The following HSD11B1 variants were observed in gnomAD, a reference collection of about 807,000 sequenced individuals.
The protein encoded by HSD11B1 is 11-beta-hydroxysteroid dehydrogenase 1.
HSD11B1 carries 15 observed loss-of-function variants against 22.1 expected under a neutral mutation model. That is an observed-to-expected ratio of 0.68 (90% confidence interval 0.45 to 1.04). The LOEUF is 1.04. Ranked by LOEUF, HSD11B1 falls within the 50% of genes least tolerant of loss-of-function variation. The pLI is 0.00. For synonymous variants in HSD11B1, 122 were observed against 125.2 expected (o/e 0.97, Z 0.17); for missense variants, 281 against 357.6 (o/e 0.79, Z 1.73).
At position 209,721,846 on chromosome 1, in the gene HSD11B1, T is replaced by G. The variant is rs541254916; in HGVS notation, c.518-10590T>G. Among the ~76,000 whole-genome samples, 8 of 152,298 alleles carry G rather than the reference T, an allele frequency of 5.3e-5. No homozygotes were observed. In the South Asian group the frequency reaches 1.7e-3, roughly 32 times the overall value. On this transcript the variant is annotated intron_variant, in intron 4 of 5. Transcript: ENST00000367027. Reference sequence around the variant, plus strand: ...CAGCTTTGTTCTCAAGCAAGGGCACTTCCAGCCCTCCCTGTTGCCTTTAGA... The same window carrying G: ...CAGCTTTGTTCTCAAGCAAGGGCACGTCCAGCCCTCCCTGTTGCCTTTAGA...
intron 4 of HSD11B1, among the ~76,000 whole-genome samples, chr1:209,722,686 T>A (rs1438427454): frequency 6.6e-6 from 1 of 151,868 alleles, no homozygotes; most frequent in African/African-American, 2.4e-5. Context: ...CTGGGAAAAA[T>A]GGGGGGCAGG....
intron 4 of HSD11B1, among the ~76,000 whole-genome samples, chr1:209,717,976 G>T (rs2076940678): frequency 6.6e-6 from 1 of 150,812 alleles, no homozygotes; most frequent in African/African-American, 2.4e-5. Flanking sequence ...TATGCTAAAT[G>T]AAATAAGTCA....
intron 1 of HSD11B1, among the ~76,000 whole-genome samples, chr1:209,686,965 G>A (rs965937237): frequency 7.9e-5 from 12 of 152,080 alleles, no homozygotes; most frequent in Non-Finnish European, 1.0e-4. Flanking sequence ...AGCCCTAAAC[G>A]GGCCTTTTCA....
chr1:209,716,292 G>A (rs1198834695), intron 4 of HSD11B1, among the ~76,000 whole-genome samples: 4 of 147,236 alleles, frequency 2.7e-5, no homozygotes, highest in African/African-American at 5.0e-5. Flanking sequence ...TGCTAACAGC[G>A]ATCAATCTGA....
intron 4 of HSD11B1, among the ~76,000 whole-genome samples, chr1:209,731,477 T>C (rs1257789189): frequency 6.6e-6 from 1 of 152,222 alleles, no homozygotes; most frequent in African/African-American, 2.4e-5. Context: ...ATCTTAAAAT[T>C]ACCCAAATTC....
intron 4 of HSD11B1, among the ~76,000 whole-genome samples, chr1:209,718,208 A>C (rs2076942368): frequency 6.6e-6 from 1 of 152,196 alleles, no homozygotes; most frequent in South Asian, 2.1e-4. Context: ...GTAACTATGT[A>C]TTGTACATTT....
intron 1 of HSD11B1, among the ~76,000 whole-genome samples, chr1:209,694,089 T>C (rs2076776685): frequency 6.6e-6 from 1 of 152,176 alleles, no homozygotes; most frequent in African/African-American, 2.4e-5. Context: ...ATTTCCCTCT[T>C]AGCCTTCACT....
intron 4 of HSD11B1, among the ~76,000 whole-genome samples, chr1:209,712,086 C>T (rs1001133731): frequency 1.3e-5 from 2 of 152,082 alleles, no homozygotes; most frequent in Non-Finnish European, 2.9e-5. Context: ...CTTTACGTTT[C>T]CTTACCAAGG....
intron 1 of HSD11B1, among the ~76,000 whole-genome samples, chr1:209,686,903 A>T (rs755560261): frequency 1.3e-5 from 2 of 152,210 alleles, no homozygotes; most frequent in Non-Finnish European, 2.9e-5. Context: ...TGTGCTATTC[A>T]TCTATCCTTT....
At chr1:209,692,777 G>T (rs1558185324) in intron 1 of HSD11B1, among the ~76,000 whole-genome samples, 1 of 152,106 alleles carries the variant, frequency 6.6e-6, no homozygotes, top group Non-Finnish European at 1.5e-5. Flanking sequence ...AGATTCCTAG[G>T]TCCCACCCTT....
rs183854476 is a variant in HSD11B1 at position 209,697,955 on chromosome 1, C to T, written c.-48-6940C>T. Among the ~76,000 whole-genome samples the T allele has an allele frequency of 1.6e-4, 18 of 111,418 alleles. No individual in the cohort carries two copies. The Admixed American group carries it at 2.4e-3, about 15-fold the overall frequency. 73.1% of individuals were successfully genotyped at this position (111,418 alleles called of 152,430 possible). A position where few individuals can be genotyped will look rare whatever the true frequency, so the allele number is the denominator to read the frequency against. On this transcript the variant is annotated intron_variant, in intron 1 of 6. Coordinates refer to the HSD11B1 transcript ENST00000261465. ...CTATGTTTCCCAAGCTGATCTCAAA[C>T]TCCTAGCCACAAGTGATCCTCTCTT...
At chr1:209,725,692 C>CA (rs1408341255) in intron 4 of HSD11B1, among the ~76,000 whole-genome samples, 1 of 152,174 alleles carries the variant, frequency 6.6e-6, no homozygotes, top group African/African-American at 2.4e-5. Flanking sequence ...CACTCATTCT[C>CA]AAAACCCACT....
chr1:209,724,385 T>C (rs997221631), intron 4 of HSD11B1, among the ~76,000 whole-genome samples: 6 of 152,232 alleles, frequency 3.9e-5, no homozygotes, highest in African/African-American at 1.4e-4. Flanking sequence ...CCCTAACTCC[T>C]ATCTTCTCTG....
intron 4 of HSD11B1, among the ~76,000 whole-genome samples, chr1:209,731,858 G>T (rs2077037797): frequency 6.6e-6 from 1 of 152,132 alleles, no homozygotes; most frequent in Admixed American, 6.5e-5. Context: ...AGGACTACAG[G>T]CATGTGCCCA....
intron 4 of HSD11B1, among the ~76,000 whole-genome samples, chr1:209,714,024 C>CATTCATTCAT (rs372339343): frequency 1.3e-5 from 2 of 151,992 alleles, no homozygotes; most frequent in South Asian, 2.1e-4. Flanking sequence ...CCCAAATATA[C>CATTCATTCAT]TCATTCATTC....
At chr1:209,687,473 A>G (rs1373857075) in intron 1 of HSD11B1, among the ~76,000 whole-genome samples, 2 of 152,236 alleles carry the variant, frequency 1.3e-5, no homozygotes, top group East Asian at 3.8e-4. Context: ...CTTTCTTTAT[A>G]CTAATTTGAG....
At chr1:209,734,174 AGTGCCT>A (rs1386625004) in intron 5 of HSD11B1, 124 bp from the exon 6 acceptor site, 3 of 717,540 alleles carry the variant, frequency 4.2e-6, no homozygotes, top group Non-Finnish European at 7.4e-6. Context: ...TATTCCCTAT[AGTGCCT>A]GTGAGGCTTG....
Position 209,693,262 on chromosome 1 carries a change from A to G in HSD11B1, c.-49+6977A>G, listed in dbSNP as rs553154165. Among the ~76,000 whole-genome samples the G allele has an allele frequency of 3.9e-4, 60 of 152,314 alleles. 1 individual carries two copies. The South Asian group carries it at 0.01, about 26-fold the overall frequency. On this transcript the variant is annotated intron_variant, in intron 1 of 6. Transcript: ENST00000261465. Reference sequence around the variant, plus strand: ...AGCCTGGGAAAACTTTCTTGCCTTAAATTTGTGAATATATAAAGATTAGGA... The same window carrying G: ...AGCCTGGGAAAACTTTCTTGCCTTAGATTTGTGAATATATAAAGATTAGGA...
chr1:209,689,024 C>T lies in HSD11B1; in HGVS notation c.-49+2739C>T, dbSNP rs568819350. Among the ~76,000 whole-genome samples, 42 of 152,302 alleles carry T rather than the reference C, an allele frequency of 2.8e-4. 1 individual carries two copies. Among genetic ancestry groups the T allele is most frequent in the Admixed American group, 3.3e-4 (5 of 15,302 alleles). ...AGAAGACCCTTGGCCTCTACAGCTA[C>T]TCCAGCTGGAGAAGGAAAGTTTATT... On this transcript the variant is annotated intron_variant, in intron 1 of 6. Coordinates refer to the HSD11B1 transcript ENST00000261465.
Sources: allele counts gnomAD v4.1 joint callset (sites outside exome capture counted in the v4.1 genomes callset), GRCh38; gene constraint gnomAD v4.1.1; transcripts MANE v1.5; gene names NCBI Gene and HGNC (gene_info 2026-07-23, HGNC 2026-07-21).